GALNT13: variants seen among roughly 807,000 people sequenced by gnomAD.
GALNT13 encodes the protein UDP-GalNAc:polypeptide N-acetylgalactosaminyltransferase 13.
In GALNT13, 28 loss-of-function variants were observed where a neutral mutation model predicts 64.2. The ratio of observed to expected loss-of-function variants is 0.44; its 90% CI spans 0.32 to 0.60. The LOEUF is 0.60. Ranked by LOEUF, GALNT13 falls within the 20% of genes least tolerant of loss-of-function variation. The pLI, the probability that GALNT13 is intolerant of heterozygous loss-of-function variation, is 0.05. For synonymous variants in GALNT13, 214 were observed against 224.6 expected, an observed-to-expected ratio of 0.95 and a Z score of 0.42; for missense variants, 577 against 669.8, an observed-to-expected ratio of 0.86 and a Z score of 1.53.
chr2:153,611,451 C>T, the GALNT13 span, among the ~76,000 whole-genome samples: 77 of 152,158 alleles, frequency 5.1e-4, no homozygotes, highest in African/African-American at 1.8e-3. Flanking sequence ...TCACTTCCAT[C>T]TCTGACTCCC....
chr2:153,684,152 G>T, the GALNT13 span, among the ~76,000 whole-genome samples: 2 of 151,534 alleles, frequency 1.3e-5, no homozygotes, highest in East Asian at 3.9e-4. Flanking sequence ...TTTACAGGTA[G>T]CCTGGGAGAA....
At chr2:153,796,961 TAC>T in the GALNT13 span, among the ~76,000 whole-genome samples, 4 of 152,224 alleles carry the variant, frequency 2.6e-5, no homozygotes, top group African/African-American at 9.6e-5. Flanking sequence ...TGCAATAAGT[TAC>T]AGAGTTTATT....
chr2:153,310,099 A>T, the GALNT13 span, among the ~76,000 whole-genome samples: 1 of 152,196 alleles, frequency 6.6e-6, no homozygotes, highest in Non-Finnish European at 1.5e-5. Context: ...TTTTATGGCT[A>T]TCTTGAAAAT....
rs1695422074 is a variant in GALNT13, at chr2:153,994,977, A to G, written c.142+50338A>G. On this transcript the variant is annotated intron_variant, in intron 3 of 12. Coordinates refer to ENST00000392825, the MANE Select transcript of GALNT13 (RefSeq NM_052917.4). ...TTGATCAACAATTTCTGTATATGCA[A>G]ATAATTTAAGTGTCTATACTAATGT... Among the ~76,000 whole-genome samples the G allele has an allele frequency of 2.0e-5, 3 of 152,120 alleles. No homozygotes were observed. In the South Asian group the frequency reaches 6.2e-4, roughly 32 times the overall value.
the GALNT13 span, among the ~76,000 whole-genome samples, chr2:153,090,635 A>C: frequency 1.3e-5 from 2 of 152,172 alleles, no homozygotes; most frequent in African/African-American, 4.8e-5. Context: ...AGGGGGCTCT[A>C]AGCTTGCTCT....
At chr2:153,116,467 C>T in the GALNT13 span, among the ~76,000 whole-genome samples, 2 of 152,004 alleles carry the variant, frequency 1.3e-5, no homozygotes, top group Non-Finnish European at 1.5e-5. Context: ...TTGGGATTTT[C>T]ATATAGAAAT....
At chr2:153,258,975 A>G in the GALNT13 span, among the ~76,000 whole-genome samples, 1 of 152,214 alleles carries the variant, frequency 6.6e-6, no homozygotes, top group Non-Finnish European at 1.5e-5. Context: ...TTTGGTCTAC[A>G]GTGCTGATAT....
At chr2:153,467,450 A>C in the GALNT13 span, among the ~76,000 whole-genome samples, 4 of 152,108 alleles carry the variant, frequency 2.6e-5, no homozygotes, top group African/African-American at 9.7e-5. Flanking sequence ...CTTACTGTCC[A>C]TCCTTCACCA....
intron 3 of GALNT13, among the ~76,000 whole-genome samples, chr2:153,998,966 C>G (rs189173486): frequency 6.0e-4 from 92 of 152,152 alleles, no homozygotes; most frequent in African/African-American, 2.2e-3. Flanking sequence ...GTGAAAATGG[C>G]CAAACTGCCC....
the GALNT13 span, among the ~76,000 whole-genome samples, chr2:153,215,944 C>G: frequency 6.6e-6 from 1 of 151,824 alleles, no homozygotes; most frequent in African/African-American, 2.4e-5. Flanking sequence ...GGAAGAGTTC[C>G]ATCAACTCCC....
the GALNT13 span, among the ~76,000 whole-genome samples, chr2:153,283,679 G>A: frequency 6.6e-6 from 1 of 152,088 alleles, no homozygotes. Context: ...TGTTCCACAT[G>A]CCTGGAGATC....
chr2:154,145,588 G>A (rs1473190491), intron 4 of GALNT13, among the ~76,000 whole-genome samples: 1 of 151,878 alleles, frequency 6.6e-6, no homozygotes, highest in Non-Finnish European at 1.5e-5. Flanking sequence ...TGAGAAAATA[G>A]GAAATTTATT....
the GALNT13 span, among the ~76,000 whole-genome samples, chr2:153,604,406 T>C: frequency 5.3e-5 from 8 of 152,050 alleles, no homozygotes; most frequent in Non-Finnish European, 1.0e-4. Context: ...CTCTTTCTGT[T>C]GTCTAGATGA....
At chr2:154,002,107 T>C (rs770985298) in intron 3 of GALNT13, among the ~76,000 whole-genome samples, 3 of 152,122 alleles carry the variant, frequency 2.0e-5, no homozygotes, top group Non-Finnish European at 4.4e-5. Flanking sequence ...TTCTTTGTCT[T>C]CAATTTTTAA....
chr2:154,450,729 A>G lies in GALNT13; in HGVS notation c.*178A>G. 1 of 565,592 alleles carries G rather than the reference A, an allele frequency of 1.8e-6. No homozygotes were observed. Among genetic ancestry groups the G allele is most frequent in the Non-Finnish European group, 3.0e-6 (1 of 332,344 alleles). 35.0% of individuals were successfully genotyped at this position (565,592 alleles called of 1,614,324 possible). ...TGCTTATTTCCCTACTAAAATTTGT[A>G]TCTGATCAAAGCACATAAGAATATA... On this transcript the variant is annotated 3_prime_UTR_variant, in exon 13 of 13. Transcript: ENST00000392825.
chr2:154,450,512 C>G lies in GALNT13; in HGVS notation c.1632C>G (p.Ser544=), dbSNP rs140818970. 25 of 1,611,756 alleles carry G rather than the reference C, an allele frequency of 1.6e-5. No homozygotes were observed. The African/African-American group carries it at 3.2e-4, about 21-fold the overall frequency. ...TGCAGGACTGTAGTGGAAGCAGATC[C>G]CAACAGTGGCTGCTAAGGAACATGA... The part of the protein sequence containing the change: ...PTMQDCSGSR[S]QQWLLRNMTL... The change falls in exon 13 of 13, where the codon TCC becomes TCG. Residue 544 remains serine (S), a synonymous_variant. Coordinates refer to ENST00000392825, the MANE Select transcript of GALNT13 (RefSeq NM_052917.4).
chr2:153,625,918 C>T, the GALNT13 span, among the ~76,000 whole-genome samples: 2 of 152,034 alleles, frequency 1.3e-5, no homozygotes, highest in South Asian at 4.1e-4. Flanking sequence ...CAGCTCCCTG[C>T]TGAAATGTTG....
At position 154,450,815 on chromosome 2, in the gene GALNT13, A is replaced by G; in HGVS notation, c.*264A>G. 1 of 334,938 alleles carries G rather than the reference A, an allele frequency of 3.0e-6. No homozygotes were observed. The highest frequency in any genetic ancestry group is 4.4e-5 in the Admixed American group (1 of 22,808). The allele number at this position is 334,938 out of a possible 1,614,324, so 20.7% of individuals were successfully genotyped here. On this transcript the variant is annotated 3_prime_UTR_variant, in exon 13 of 13. Transcript: ENST00000392825. The stretch of plus-strand genomic sequence containing the variant: ...TTGTAAAACAAATTGTGTTTGCTTT[A>G]AGAAAAATGTTTATTGCACTCATGT...
At chr2:153,763,544 AT>A in the GALNT13 span, among the ~76,000 whole-genome samples, 1 of 152,182 alleles carries the variant, frequency 6.6e-6, no homozygotes, top group South Asian at 2.1e-4. Flanking sequence ...GTAAGACGTG[AT>A]TTTGCTCCTC....
Sources: allele counts gnomAD v4.1 joint callset (sites outside exome capture counted in the v4.1 genomes callset), GRCh38; gene constraint gnomAD v4.1.1; transcripts MANE v1.5; gene names NCBI Gene and HGNC (gene_info 2026-07-23, HGNC 2026-07-21).